Variants in AIRE observed in about 807,000 individuals in gnomAD.
AIRE encodes autoimmune regulator, also known as autoimmune polyendocrinopathy candidiasis ectodermal dystrophy protein.
Under a neutral mutation model 62.1 loss-of-function variants are expected in AIRE, and 52 were observed. That is an observed-to-expected ratio of 0.84 (90% CI 0.67 to 1.06). AIRE has a LOEUF of 1.06. AIRE is among the 50% of genes least tolerant of loss of function. The pLI is 0.00. For synonymous variants in AIRE, 342 were observed against 321.6 expected, an observed-to-expected ratio of 1.06 and a Z score of -0.68; for missense variants, 774 against 755.8, an observed-to-expected ratio of 1.02 and a Z score of -0.28.
chr21:44,290,244 T>C, intron 7 of AIRE, 176 bp downstream of exon 7: 6 of 984,888 alleles, frequency 6.1e-6, no homozygotes, highest in Non-Finnish European at 7.2e-6. Context: ...TAATACGCAA[T>C]GGTAATAGTT....
At position 44,297,780 on chromosome 21, in the gene AIRE, C is replaced by T. The variant is rs2040626952; in HGVS notation, c.*53C>T. ...GATGAGAGAGTGCTGAGAAGGACAC[C>T]TCCTTCCTCAGTCCTGGAAGCCGGC... On this transcript the variant is annotated 3_prime_UTR_variant, in exon 14 of 14. Transcript: ENST00000291582. The surrounding 1 kb of genome is among the most constrained non-coding windows in gnomAD (Gnocchi z 4.8). 2.6e-6 allele frequency: 4 copies of T among 1,536,804 alleles called. No homozygotes were observed. In the Admixed American group the frequency reaches 5.0e-5, roughly 19 times the overall value.
At chr21:44,295,852 G>A (rs1192707022) in intron 12 of AIRE, among the ~76,000 whole-genome samples, 2 of 149,572 alleles carry the variant, frequency 1.3e-5, no homozygotes, top group South Asian at 2.1e-4. Flanking sequence ...GCCGGGCCTC[G>A]CAGCGCCAGT....
chr21:44,296,262 G>T, intron 12 of AIRE, 121 bp from the exon 13 acceptor site: 1 of 935,132 alleles, frequency 1.1e-6, no homozygotes, highest in Non-Finnish European at 1.8e-6. Context: ...GTGGAGCTGG[G>T]TGTAAGAATT....
In AIRE at chr21:44,287,436, C is replaced by T. The variant is rs942278021; in HGVS notation, c.464-81C>T. On this transcript the variant is annotated intron_variant, in intron 3 of 13. Coordinates refer to ENST00000291582, the MANE Select transcript of AIRE (RefSeq NM_000383.4). The surrounding 1 kb of genome is among the most constrained non-coding windows in gnomAD (Gnocchi z 4.3). ...CAGCACTGGACCGCCCCCTCCACGC[C>T]CTCCCACCGCGGGCCCCTGCCCACC... is the stretch of plus-strand genomic sequence containing the variant. 3 of 1,010,250 alleles carry T rather than the reference C, an allele frequency of 3.0e-6. No homozygotes were observed. In the African/African-American group the frequency reaches 4.8e-5, roughly 16 times the overall value. 62.6% of individuals were successfully genotyped at this position (1,010,250 alleles called of 1,614,324 possible).
In AIRE at chr21:44,297,806, C is replaced by G. The variant is rs72650681; in HGVS notation, c.*79C>G. On this transcript the variant is annotated 3_prime_UTR_variant, in exon 14 of 14. Coordinates refer to ENST00000291582, the MANE Select transcript of AIRE (RefSeq NM_000383.4). The surrounding 1 kb of genome is among the most constrained non-coding windows in gnomAD (Gnocchi z 4.8). ...TCCTTCCTCAGTCCTGGAAGCCGGC[C>G]GGCTGGGATCAAGAAGGGGACAGCG... 8.7e-3 allele frequency: 12,186 copies of G among 1,407,684 alleles called. 72 individuals carry two copies. Among genetic ancestry groups the G allele is most frequent in the Non-Finnish European group, 0.011 (10,994 of 1,011,220 alleles). The allele number at this position is 1,407,684 out of a possible 1,614,324, so 87.2% of individuals were successfully genotyped here.
chr21:44,292,785 G>T (rs970502770), intron 9 of AIRE, among the ~76,000 whole-genome samples: 6 of 152,120 alleles, frequency 3.9e-5, no homozygotes, highest in Admixed American at 6.5e-5. Flanking sequence ...GTAGACGGGG[G>T]AGGAGGGAGG....
Position 44,286,285 on chromosome 21 carries a change from C to A in AIRE, c.132+147C>A. 1.0e-6 allele frequency: 1 copy of A among 990,658 alleles called. No homozygotes were observed. Among genetic ancestry groups the A allele is most frequent in the Non-Finnish European group, 1.5e-6 (1 of 672,430 alleles). 61.4% of individuals were successfully genotyped at this position (990,658 alleles called of 1,614,324 possible). The stretch of plus-strand genomic sequence containing the variant: ...CCTCCCCACAAGGAGCCAGGGGCGT[C>A]CCTGATGACAAGTTAGAAGTTGGTC... On this transcript the variant is annotated intron_variant, in intron 1 of 13. Coordinates refer to ENST00000291582, the MANE Select transcript of AIRE (RefSeq NM_000383.4). The surrounding 1 kb of genome is among the most constrained non-coding windows in gnomAD (Gnocchi z 6.0).
At chr21:44,290,925 CA>C in intron 7 of AIRE, 169 bp from the exon 8 acceptor site, 1 of 1,611,766 alleles carries the variant, frequency 6.2e-7, no homozygotes, top group Non-Finnish European at 8.5e-7. Context: ...GGATGGGGAA[CA>C]GGTGGTCAGG....
intron 5 of AIRE, 196 bp from the exon 6 acceptor site, chr21:44,289,455 TCGGGGG>T (rs1320277141): frequency 1.4e-5 from 9 of 641,330 alleles, no homozygotes; most frequent in African/African-American, 1.3e-4. Context: ...GACGTGAACT[TCGGGGG>T]ACGCTGTTGA....
Position 44,287,276 on chromosome 21 carries a change from C to T in AIRE, c.463+143C>T, listed in dbSNP as rs965629591. On this transcript the variant is annotated intron_variant, in intron 3 of 13. Coordinates refer to ENST00000291582, the MANE Select transcript of AIRE (RefSeq NM_000383.4). The surrounding 1 kb of genome is among the most constrained non-coding windows in gnomAD (Gnocchi z 4.3). ...GGGCTGTGGGGGTCTCCTCTGGGTA[C>T]TAGACCCACACACTGGACCAGCCTC... 8.0e-6 allele frequency: 8 copies of T among 1,003,756 alleles called. No homozygotes were observed. In the African/African-American group the frequency reaches 1.3e-4, roughly 16 times the overall value. 62.2% of individuals were successfully genotyped at this position (1,003,756 alleles called of 1,614,324 possible).
At chr21:44,295,693 C>A (rs371509991) in intron 12 of AIRE, among the ~76,000 whole-genome samples, 3 of 152,160 alleles carry the variant, frequency 2.0e-5, no homozygotes, top group African/African-American at 7.2e-5. Flanking sequence ...CCCCCCTCAG[C>A]CTGCCCCCTT....
In AIRE at chr21:44,293,822, G is replaced by A. The variant is rs553396434; in HGVS notation, c.1312G>A (p.Gly438Arg). The change falls in exon 11 of 14, where the codon GGA becomes AGA. Residue 438 changes from glycine (G) to arginine (R), a missense_variant. By Grantham distance (125) the Gly-to-Arg change is moderately radical. Coordinates refer to ENST00000291582, the MANE Select transcript of AIRE (RefSeq NM_000383.4). The part of the protein sequence containing the change: ...LAPGARCGVC[G>R]DGTDVLRCTH... ...TCCTGGTGCGCGTTGCGGGGTGTGC[G>A]GAGATGGTACGGACGTGCTGCGGTG... is the stretch of plus-strand genomic sequence containing the variant. 80 of 1,596,824 alleles carry A rather than the reference G, an allele frequency of 5.0e-5. No individual in the cohort carries two copies. The highest frequency in any genetic ancestry group is 4.7e-4 in the Admixed American group (28 of 59,976).
At chr21:44,291,694 C>T (rs2040542193) in intron 8 of AIRE, among the ~76,000 whole-genome samples, 1 of 152,074 alleles carries the variant, frequency 6.6e-6, no homozygotes. Context: ...CCCGGTGCTC[C>T]TTCCCCACGG....
intron 7 of AIRE, chr21:44,290,478 A>T: frequency 1.0e-6 from 1 of 976,326 alleles, no homozygotes; most frequent in Non-Finnish European, 1.2e-6. Flanking sequence ...GGTGGGTTAC[A>T]GATCTTGACC....
At position 44,297,596 on chromosome 21, in the gene AIRE, T is replaced by C. The variant is rs1001485832; in HGVS notation, c.1567-60T>C. 93 of 1,451,308 alleles carry C rather than the reference T, an allele frequency of 6.4e-5. No homozygotes were observed. The highest frequency in any genetic ancestry group is 1.0e-4 in the Admixed American group (6 of 59,642). 89.9% of individuals were successfully genotyped at this position (1,451,308 alleles called of 1,614,324 possible). A position where few individuals can be genotyped will look rare whatever the true frequency, so the allele number is the denominator to read the frequency against. ...TGGTGACTTCTTGTAACGATGGCCA[T>C]GATTCTGTGGCTGCGGCGGGGGCGC... is the stretch of plus-strand genomic sequence containing the variant. On this transcript the variant is annotated intron_variant, in intron 13 of 13. Coordinates refer to ENST00000291582, the MANE Select transcript of AIRE (RefSeq NM_000383.4). This position sits in a 1 kb window ranked among gnomAD's most constrained non-coding sequence, Gnocchi z 4.8.
Position 44,290,575 on chromosome 21 carries a change from C to T in AIRE, c.879+507C>T, listed in dbSNP as rs116811070. 1,902 of 711,816 alleles carry T rather than the reference C, an allele frequency of 2.7e-3. 31 individuals are homozygous for T. In the African/African-American group the frequency reaches 0.034, roughly 13 times the overall value. 44.1% of individuals were successfully genotyped at this position (711,816 alleles called of 1,614,324 possible). A position where few individuals can be genotyped will look rare whatever the true frequency, so the allele number is the denominator to read the frequency against. On this transcript the variant is annotated intron_variant, in intron 7 of 13. Coordinates refer to ENST00000291582, the MANE Select transcript of AIRE (RefSeq NM_000383.4). Reference sequence around the variant, plus strand: ...CTGCAGGAGCACCCGGGCTGGTGGGCGTCTGGGGGATTGTTAGAATGAGTG... The same window carrying T: ...CTGCAGGAGCACCCGGGCTGGTGGGTGTCTGGGGGATTGTTAGAATGAGTG...
chr21:44,293,696 G>T, intron 10 of AIRE, 93 bp from the exon 11 acceptor site: 1 of 1,570,674 alleles, frequency 6.4e-7, no homozygotes, highest in Non-Finnish European at 8.6e-7. Context: ...CCAGCCCTGG[G>T]TGGTCCCAGG....
intron 7 of AIRE, 35 bp from the exon 8 acceptor site, chr21:44,291,060 G>A (rs550679632): frequency 1.9e-6 from 3 of 1,613,420 alleles, no homozygotes; most frequent in Admixed American, 3.3e-5. Context: ...CTGCACCCCA[G>A]CCCAGTCTGC....
At chr21:44,292,886 T>C (rs542604938) in intron 9 of AIRE, 107 bp from the exon 10 acceptor site, 37 of 1,002,376 alleles carry the variant, frequency 3.7e-5, no homozygotes, top group South Asian at 1.9e-4. Context: ...GCCAGGCCTC[T>C]GCCCCCACCC....
Sources: gnomAD v4.1 joint callset for allele counts (sites outside exome capture counted in the v4.1 genomes callset) on GRCh38, gnomAD v4.1.1 for gene constraint, Gnocchi (gnomAD v3.1) non-coding constraint, MANE v1.5 for transcripts, NCBI Gene and HGNC (gene_info 2026-07-23, HGNC 2026-07-21) for gene names.